Variants in GPD2 observed in about 807,000 individuals in gnomAD.
GPD2 encodes glycerol-3-phosphate dehydrogenase 2.
GPD2 carries 54 observed loss-of-function variants against 82.4 expected under a neutral mutation model. The observed-to-expected ratio is 0.66, with a 90% CI of 0.53 to 0.82. GPD2 has a LOEUF of 0.82. Ranked by LOEUF, GPD2 falls within the 40% of genes least tolerant of loss-of-function variation. The pLI is 0.00. For synonymous variants in GPD2, 288 were observed against 306.1 expected, an observed-to-expected ratio of 0.94 and a Z score of 0.62; for missense variants, 748 against 896.2, an observed-to-expected ratio of 0.83 and a Z score of 2.11.
intron 1 of GPD2, among the ~76,000 whole-genome samples, chr2:156,463,400 T>C (rs1367917170): frequency 1.3e-5 from 2 of 152,208 alleles, no homozygotes. Flanking sequence ...TAAATAATTA[T>C]TAAATAAAAC....
intron 1 of GPD2, among the ~76,000 whole-genome samples, chr2:156,437,990 G>A (rs748606329): frequency 2.0e-5 from 3 of 152,132 alleles, no homozygotes; most frequent in African/African-American, 7.2e-5. Context: ...CATCTCTAGC[G>A]TGTAAGTTCT....
chr2:156,520,190 T>G (rs1012046331), intron 6 of GPD2, among the ~76,000 whole-genome samples: 2 of 152,162 alleles, frequency 1.3e-5, no homozygotes, highest in Non-Finnish European at 2.9e-5. Flanking sequence ...TTTTTATAGG[T>G]ACAGGATGGG....
At chr2:156,403,612 G>GGTGTGTGTGTGT in the GPD2 span, among the ~76,000 whole-genome samples, 4 of 148,008 alleles carry the variant, frequency 2.7e-5, no homozygotes, top group African/African-American at 9.9e-5. Context: ...GCATTCAAAG[G>GGTGTGTGTGTGT]GTGTGTGTGT....
intron 6 of GPD2, among the ~76,000 whole-genome samples, chr2:156,524,193 GA>G (rs1157564582): frequency 7.6e-5 from 11 of 143,798 alleles, no homozygotes; most frequent in Non-Finnish European, 1.5e-4. Flanking sequence ...TTTTTTAACT[GA>G]TAGGTTTCCA....
intron 3 of GPD2, among the ~76,000 whole-genome samples, chr2:156,509,919 GCATGCCAC>G (rs1251430376): frequency 6.6e-5 from 10 of 151,766 alleles, no homozygotes; most frequent in African/African-American, 1.9e-4. Flanking sequence ...GATTACAGGC[GCATGCCAC>G]CATGCCACCA....
intron 6 of GPD2, among the ~76,000 whole-genome samples, chr2:156,545,096 GCA>G (rs1686479128): frequency 6.6e-6 from 1 of 152,074 alleles, no homozygotes; most frequent in Non-Finnish European, 1.5e-5. Context: ...GTGTGCATGT[GCA>G]CACACATGAG....
chr2:156,440,466 G>A (rs572956863), intron 1 of GPD2, among the ~76,000 whole-genome samples: 1 of 152,308 alleles, frequency 6.6e-6, no homozygotes, highest in African/African-American at 2.4e-5. Flanking sequence ...TCTAATTTGT[G>A]TCCTGATGTG....
the GPD2 span, among the ~76,000 whole-genome samples, chr2:156,416,442 G>C: frequency 2.0e-5 from 3 of 151,058 alleles, no homozygotes; most frequent in East Asian, 3.9e-4. Context: ...TGACTTCTCA[G>C]GCTCCAGGTA....
intron 6 of GPD2, among the ~76,000 whole-genome samples, chr2:156,521,810 T>C (rs564830573): frequency 2.0e-5 from 3 of 152,380 alleles, no homozygotes; most frequent in South Asian, 4.1e-4. Context: ...TATTTGCTTT[T>C]AATATTTCTC....
intron 1 of GPD2, 33 bp from the exon 2 acceptor site, chr2:156,476,065 T>C: frequency 9.1e-7 from 1 of 1,094,646 alleles, no homozygotes; most frequent in Non-Finnish European, 1.4e-6. Flanking sequence ...CTATCCCAAT[T>C]AACTTCTTTT....
chr2:156,579,758 T>C lies in GPD2; in HGVS notation c.2028T>C (p.Asn676=), dbSNP rs770733597. The part of the protein sequence containing the change: ...EILNEVDLNK[N]GQVELNEFLQ... Reference sequence around the variant, plus strand: ...TAAATGAAGTTGATTTGAATAAAAATGGACAGGTTGAACTCAATGAATTTT... The same window carrying C: ...TAAATGAAGTTGATTTGAATAAAAACGGACAGGTTGAACTCAATGAATTTT... Residue 676 remains asparagine, a synonymous_variant, in exon 16 of 17, where the codon AAT becomes AAC. Transcript: ENST00000438166. 5 of 1,564,108 alleles carry C rather than the reference T, an allele frequency of 3.2e-6. No individual in the cohort carries two copies. Among genetic ancestry groups the C allele is most frequent in the South Asian group, 2.2e-5 (2 of 89,996 alleles).
chr2:156,401,132 C>T, the GPD2 span, among the ~76,000 whole-genome samples: 1 of 152,148 alleles, frequency 6.6e-6, no homozygotes. Context: ...CAGAAAAAAA[C>T]TAGAAGTCAA....
intron 2 of GPD2, chr2:156,495,785 A>G: frequency 2.1e-6 from 1 of 470,824 alleles, no homozygotes; most frequent in Admixed American, 3.4e-5. Flanking sequence ...ACTTGGCTGT[A>G]TATGAAGCAG....
At chr2:156,510,760 A>G (rs769678864) in intron 3 of GPD2, 36 bp from the exon 4 acceptor site, 28 of 1,577,330 alleles carry the variant, frequency 1.8e-5, no homozygotes, top group Non-Finnish European at 2.3e-5. Flanking sequence ...CAAATTGTGT[A>G]ATTTAAGAAG....
At chr2:156,420,388 G>T in the GPD2 span, among the ~76,000 whole-genome samples, 1 of 152,064 alleles carries the variant, frequency 6.6e-6, no homozygotes, top group Non-Finnish European at 1.5e-5. Flanking sequence ...AGCCAGGATG[G>T]TCTCAATCTC....
intron 1 of GPD2, among the ~76,000 whole-genome samples, chr2:156,473,263 A>G (rs1208053842): frequency 6.6e-6 from 1 of 152,196 alleles, no homozygotes; most frequent in African/African-American, 2.4e-5. Flanking sequence ...AGATGACATG[A>G]GAATGTAGTT....
chr2:156,525,778 G>A (rs764297821), intron 6 of GPD2, among the ~76,000 whole-genome samples: 17 of 152,142 alleles, frequency 1.1e-4, no homozygotes, highest in Non-Finnish European at 2.2e-4. Context: ...TGCTTTAGAT[G>A]ATTAGGAATT....
chr2:156,571,516 G>GA (rs1687640366), intron 13 of GPD2, among the ~76,000 whole-genome samples: 1 of 152,016 alleles, frequency 6.6e-6, no homozygotes. Context: ...TAAATTTGTG[G>GA]TCATAATTCC....
chr2:156,473,607 G>C (rs1226558885), intron 1 of GPD2: 1 of 152,218 alleles, frequency 6.6e-6, no homozygotes, highest in Non-Finnish European at 1.5e-5. Flanking sequence ...CCACCACACT[G>C]CTATGAGTCA....
Sources: allele counts gnomAD v4.1 joint callset (sites outside exome capture counted in the v4.1 genomes callset), GRCh38; gene constraint gnomAD v4.1.1; transcripts MANE v1.5; gene names NCBI Gene and HGNC (gene_info 2026-07-23, HGNC 2026-07-21).